LRRK2: variants seen among roughly 807,000 people sequenced by gnomAD.
The protein encoded by LRRK2 is leucine-rich repeat serine/threonine-protein kinase 2.
LRRK2 carries 203 observed loss-of-function variants against 302.6 expected under a neutral mutation model. The ratio of observed to expected loss-of-function variants is 0.67; its 90% CI spans 0.60 to 0.75. The LOEUF is 0.75. Among genes scored for constraint, LRRK2 ranks in the 30% least tolerant of loss-of-function variants. LRRK2 has a pLI of 0.00. For missense variants in LRRK2, 2,830 were observed against 2,951.0 expected (o/e 0.96, Z 0.95); for synonymous variants, 1,066 against 1,031.9 (o/e 1.03, Z -0.63).
At position 40,340,360 on chromosome 12, in the gene LRRK2, G is replaced by C; in HGVS notation, c.6015G>C (p.Leu2005=). ...CCCACAATGTGCTGCTTTTCACACT[G>C]TATCCCAATGCTGCCATCATTGCAA... ...LKPHNVLLFT[L]YPNAAIIAKI... is the part of the protein sequence containing the mutation. Residue 2005 remains leucine, a synonymous_variant, in exon 41 of 51, where the codon CTG becomes CTC. Transcript: ENST00000298910. 6.2e-7 allele frequency: 1 copy of C among 1,613,868 alleles called. No homozygotes were observed. Among genetic ancestry groups the C allele is most frequent in the South Asian group, 1.1e-5 (1 of 91,060 alleles).
intron 2 of LRRK2, chr12:40,228,007 C>T (rs1032698419): frequency 1.3e-5 from 2 of 152,028 alleles, no homozygotes; most frequent in African/African-American, 4.8e-5. Flanking sequence ...TAAGGTGATT[C>T]TGTATTTTAA....
chr12:40,344,949 G>A (rs1486832289), intron 41 of LRRK2, among the ~76,000 whole-genome samples: 1 of 152,104 alleles, frequency 6.6e-6, no homozygotes, highest in Admixed American at 6.6e-5. Flanking sequence ...AGTTAGTGTA[G>A]TAGGGGTTAT....
chr12:40,277,878 ATAC>A lies in LRRK2; in HGVS notation c.1942-8_1942-6del, dbSNP rs766851633. The A allele has an allele frequency of 1.6e-5, 26 of 1,591,458 alleles. No homozygotes were observed. In the South Asian group the frequency reaches 2.9e-4, roughly 18 times the overall value. On this transcript the variant is annotated splice_region_variant and splice_polypyrimidine_tract_variant and intron_variant, in intron 16 of 50. Transcript: ENST00000298910. The stretch of plus-strand genomic sequence containing the variant: ...TGCTTATTTTATTATTTTTTTTCTT[ATAC>A]TTTTAGGGATTTCAGACAATCTTAG...
rs575582614 is a variant in LRRK2, at chr12:40,321,049, G to T, written c.5031G>T (p.Arg1677Ser). ...LLVPSSLSDH[R>S]PVIELPHCEN... ...TTGCCTTTAGTTTGTCTGACCACAG[G>T]CCTGTGATAGAGCTTCCCCATTGTG... Residue 1677 changes from arginine (R) to serine (S), a missense_variant, in exon 35 of 51, where the codon AGG becomes AGT. Transcript: ENST00000298910. 3.7e-6 allele frequency: 6 copies of T among 1,612,632 alleles called. No individual in the cohort carries two copies. The highest frequency in any genetic ancestry group is 2.5e-6 in the Non-Finnish European group (3 of 1,178,884).
At chr12:40,255,062 T>G (rs930366110) in intron 11 of LRRK2, among the ~76,000 whole-genome samples, 7 of 152,176 alleles carry the variant, frequency 4.6e-5, no homozygotes, top group Non-Finnish European at 7.3e-5. Flanking sequence ...TTGTGTGACA[T>G]TTTTCCTATT....
At chr12:40,348,257 C>A in intron 42 of LRRK2, 152 bp from the exon 43 acceptor site, 1 of 606,592 alleles carries the variant, frequency 1.6e-6, no homozygotes, top group Non-Finnish European at 2.9e-6. Flanking sequence ...ACAAAATTAG[C>A]TTTAATTTTG....
intron 14 of LRRK2, among the ~76,000 whole-genome samples, chr12:40,269,020 G>A (rs772051823): frequency 1.3e-5 from 2 of 152,024 alleles, no homozygotes; most frequent in Non-Finnish European, 2.9e-5. Context: ...TAATGAAATT[G>A]GTATATGTAC....
At chr12:40,306,115 T>G in intron 28 of LRRK2, 149 bp downstream of exon 28, 1 of 631,122 alleles carries the variant, frequency 1.6e-6, no homozygotes, top group Non-Finnish European at 2.7e-6. Context: ...TGCCTTTCAT[T>G]TAATGAATGT....
intron 10 of LRRK2, among the ~76,000 whole-genome samples, chr12:40,252,613 C>T (rs1238035455): frequency 6.6e-6 from 1 of 152,164 alleles, no homozygotes; most frequent in South Asian, 2.1e-4. Context: ...TCTCTTGTTT[C>T]CATTCTCTTC....
At chr12:40,347,254 G>A (rs1009629515) in intron 42 of LRRK2, among the ~76,000 whole-genome samples, 4 of 152,042 alleles carry the variant, frequency 2.6e-5, no homozygotes, top group African/African-American at 4.8e-5. Flanking sequence ...GAATGTTTTC[G>A]TTTTCTTGGA....
At position 40,305,939 on chromosome 12, in the gene LRRK2, T is replaced by C. The variant is rs1042763240; in HGVS notation, c.3932T>C (p.Ile1311Thr). 6.2e-7 allele frequency: 1 copy of C among 1,611,484 alleles called. No homozygotes were observed. The highest frequency in any genetic ancestry group is 1.3e-5 in the African/African-American group (1 of 74,826). Reference protein sequence around the residue: ...ELHLNFDFKHIGCKAKDIIRF... With the variant: ...ELHLNFDFKHTGCKAKDIIRF... ...CATCTTAACTTTGATTTTAAACATA[T>C]AGGATGTAAAGCCAAAGACATCATA... The change falls in exon 28 of 51, where the codon ATA becomes ACA. Residue 1311 changes from isoleucine (I) to threonine (T), a missense_variant. By Grantham distance (89) the Ile-to-Thr change is moderately conservative. This residue lies in a region of LRRK2 where 2,121 missense variants were observed against 2,148.0 expected (regional missense o/e 0.99). Coordinates refer to ENST00000298910, the MANE Select transcript of LRRK2 (RefSeq NM_198578.4).
chr12:40,363,016 G>A (rs1273040646), intron 47 of LRRK2, among the ~76,000 whole-genome samples: 1 of 151,876 alleles, frequency 6.6e-6, no homozygotes, highest in African/African-American at 2.4e-5. Context: ...AATTTTCTGA[G>A]CATTCATGAA....
intron 20 of LRRK2, among the ~76,000 whole-genome samples, chr12:40,292,929 A>G (rs11175911): frequency 0.41 from 61,665 of 151,804 alleles, 13,050 homozygotes; most frequent in South Asian, 0.54. Flanking sequence ...TTTTAATACC[A>G]TTCCATAAAA....
chr12:40,248,300 GA>G (rs1942099328), intron 7 of LRRK2, among the ~76,000 whole-genome samples: 2 of 152,146 alleles, frequency 1.3e-5, no homozygotes, highest in South Asian at 4.1e-4. Flanking sequence ...TGTGATCAGG[GA>G]AATGCTACTT....
intron 3 of LRRK2, among the ~76,000 whole-genome samples, chr12:40,234,303 G>A (rs1169153870): frequency 6.6e-6 from 1 of 150,610 alleles, no homozygotes; most frequent in South Asian, 2.1e-4. Context: ...TATATTTTGG[G>A]ATTAATAACA....
rs886049364 is a variant in LRRK2 at position 40,367,988 on chromosome 12, C to T, written c.*223C>T. On this transcript the variant is annotated 3_prime_UTR_variant, in exon 51 of 51. Transcript: ENST00000298910. ...CACAATGTTATATTTCTTATAAATA[C>T]CAGTTACTTTCGTTCATTAATTAAT... is the stretch of plus-strand genomic sequence containing the variant. The T allele has an allele frequency of 3.4e-6, 1 of 291,038 alleles. No individual in the cohort carries two copies. The highest frequency in any genetic ancestry group is 6.3e-6 in the Non-Finnish European group (1 of 158,808). 18.0% of individuals were successfully genotyped at this position (291,038 alleles called of 1,614,324 possible).
intron 46 of LRRK2, among the ~76,000 whole-genome samples, chr12:40,356,654 C>T (rs1019837526): frequency 5.3e-5 from 8 of 152,294 alleles, no homozygotes; most frequent in African/African-American, 1.9e-4. Flanking sequence ...CATCTATTCA[C>T]TCAACTTCCT....
Position 40,315,043 on chromosome 12 carries a change from A to T in LRRK2, c.4739-169A>T, listed in dbSNP as rs7973058. 0.27 allele frequency among the ~76,000 whole-genome samples: 41,336 copies of T among 151,980 alleles called. 5,922 individuals carry two copies. Among genetic ancestry groups the T allele is most frequent in the South Asian group, 0.37 (1,789 of 4,824 alleles). Reference sequence around the variant, plus strand: ...TAGTTTAAAAATACTCCATTATAATATTGGAACTTTAGACCATAGGATGCA... The same window carrying T: ...TAGTTTAAAAATACTCCATTATAATTTTGGAACTTTAGACCATAGGATGCA... On this transcript the variant is annotated intron_variant, in intron 32 of 50. Transcript: ENST00000298910.
intron 41 of LRRK2, among the ~76,000 whole-genome samples, chr12:40,341,906 A>G (rs1438246560): frequency 6.6e-6 from 1 of 152,236 alleles, no homozygotes; most frequent in Non-Finnish European, 1.5e-5. Flanking sequence ...AATATTGTCA[A>G]TGAGAGGTTT....
Sources: allele counts gnomAD v4.1 joint callset (sites outside exome capture counted in the v4.1 genomes callset), GRCh38; gene constraint gnomAD v4.1.1; regional missense constraint gnomAD v4.1.1; transcripts MANE v1.5; gene names NCBI Gene and HGNC (gene_info 2026-07-23, HGNC 2026-07-21).